Variants in MPP7 observed in about 807,000 individuals in gnomAD.
The protein encoded by MPP7 is MAGUK p55 subfamily member 7.
In MPP7, 60 loss-of-function variants were observed where a neutral mutation model predicts 76.5. The observed-to-expected ratio is 0.78, with a 90% confidence interval of 0.64 to 0.97. The LOEUF (loss-of-function observed/expected upper bound fraction) is 0.97. Ranked by LOEUF, MPP7 falls within the 50% of genes least tolerant of loss-of-function variation. The pLI, the probability that MPP7 is intolerant of heterozygous loss-of-function variation, is 0.00. For missense variants in MPP7, 641 were observed against 694.0 expected, an observed-to-expected ratio of 0.92 and a Z score of 0.86; for synonymous variants, 237 against 244.5, an observed-to-expected ratio of 0.97 and a Z score of 0.29.
intron 4 of MPP7, among the ~76,000 whole-genome samples, chr10:28,149,676 C>T (rs1441323672): frequency 6.6e-6 from 1 of 151,974 alleles, no homozygotes; most frequent in African/African-American, 2.4e-5. Flanking sequence ...TTGTCTGTGA[C>T]TTTCTCAGAA....
At chr10:28,294,358 G>A (rs778553765) in intron 1 of MPP7, among the ~76,000 whole-genome samples, 1 of 152,150 alleles carries the variant, frequency 6.6e-6, no homozygotes, top group Non-Finnish European at 1.5e-5. Flanking sequence ...TAGTACAGGC[G>A]ACAGTGTGTT....
intron 1 of MPP7, among the ~76,000 whole-genome samples, chr10:28,295,294 CTTCT>C (rs1351414655): frequency 2.0e-5 from 3 of 152,136 alleles, no homozygotes; most frequent in Non-Finnish European, 4.4e-5. Flanking sequence ...CACTGCTCAA[CTTCT>C]TTCTCCCAAA....
At chr10:28,209,063 T>C (rs1351599563) in intron 2 of MPP7, among the ~76,000 whole-genome samples, 3 of 152,124 alleles carry the variant, frequency 2.0e-5, no homozygotes, top group Non-Finnish European at 4.4e-5. Context: ...CCCATTCACC[T>C]TCCACCACTA....
chr10:28,270,538 G>C (rs868150349), intron 1 of MPP7, among the ~76,000 whole-genome samples: 1 of 128,914 alleles, frequency 7.8e-6, no homozygotes, highest in East Asian at 2.6e-4. Context: ...AAAAAGGGGG[G>C]GGGGGAGGAG....
At chr10:28,105,259 C>T (rs773563944) in intron 11 of MPP7, among the ~76,000 whole-genome samples, 4 of 146,550 alleles carry the variant, frequency 2.7e-5, no homozygotes, top group African/African-American at 7.6e-5. Flanking sequence ...TGCACAACAT[C>T]AGCCCTTGAA....
intron 1 of MPP7, chr10:28,282,024 A>G (rs1247398926): frequency 6.6e-6 from 1 of 152,098 alleles, no homozygotes; most frequent in African/African-American, 2.4e-5. Flanking sequence ...CTTTCTCTTC[A>G]CAATGAGGCT....
intron 2 of MPP7, among the ~76,000 whole-genome samples, chr10:28,312,067 C>T (rs1841292895): frequency 1.3e-5 from 2 of 152,108 alleles, no homozygotes; most frequent in Non-Finnish European, 2.9e-5. Flanking sequence ...TTAAAGATGG[C>T]ACGGACACAA....
At chr10:28,179,897 G>C (rs1177830482) in intron 3 of MPP7, among the ~76,000 whole-genome samples, 1 of 152,054 alleles carries the variant, frequency 6.6e-6, no homozygotes, top group Non-Finnish European at 1.5e-5. Context: ...CAAATAAAAT[G>C]TATTTTTAAA....
chr10:28,318,875 A>G (rs987716024), intron 2 of MPP7, among the ~76,000 whole-genome samples: 4 of 152,240 alleles, frequency 2.6e-5, no homozygotes, highest in Non-Finnish European at 4.4e-5. Flanking sequence ...AGTTACATGC[A>G]AGAAGCAGTT....
At chr10:28,158,544 T>A (rs1165487252) in intron 3 of MPP7, among the ~76,000 whole-genome samples, 4 of 152,150 alleles carry the variant, frequency 2.6e-5, no homozygotes, top group African/African-American at 9.7e-5. Flanking sequence ...CTAGCTCCTA[T>A]GCAGGCAGCA....
intron 1 of MPP7, among the ~76,000 whole-genome samples, chr10:28,273,155 T>C (rs1404817355): frequency 6.6e-6 from 1 of 152,200 alleles, no homozygotes; most frequent in African/African-American, 2.4e-5. Flanking sequence ...TAACCTCAAG[T>C]GATCCACCCA....
intron 3 of MPP7, among the ~76,000 whole-genome samples, chr10:28,162,388 C>T (rs561110187): frequency 6.6e-6 from 1 of 151,972 alleles, no homozygotes; most frequent in Non-Finnish European, 1.5e-5. Context: ...AAAAATGCCA[C>T]CCACAGGTCA....
intron 2 of MPP7, among the ~76,000 whole-genome samples, chr10:28,208,220 T>C (rs774088112): frequency 2.6e-5 from 4 of 152,074 alleles, no homozygotes; most frequent in African/African-American, 4.8e-5. Context: ...TCCATTATCA[T>C]TGAGCAGGCA....
At chr10:28,266,673 TA>T (rs1840159817) in intron 1 of MPP7, among the ~76,000 whole-genome samples, 1 of 152,238 alleles carries the variant, frequency 6.6e-6, no homozygotes, top group Non-Finnish European at 1.5e-5. Flanking sequence ...TTCATTTTTG[TA>T]ATCACTTTCT....
intron 16 of MPP7, among the ~76,000 whole-genome samples, chr10:28,054,987 C>T (rs1486839370): frequency 5.3e-5 from 8 of 152,104 alleles, no homozygotes; most frequent in African/African-American, 1.4e-4. Context: ...CTGATTACCA[C>T]GTTCCTTCGA....
chr10:28,174,354 C>T (rs1309945417), intron 3 of MPP7, among the ~76,000 whole-genome samples: 3 of 152,172 alleles, frequency 2.0e-5, no homozygotes. Context: ...TGGTGCCATT[C>T]TCTAGAGAGT....
chr10:28,139,771 C>T (rs1006609577), intron 5 of MPP7, among the ~76,000 whole-genome samples: 1 of 152,162 alleles, frequency 6.6e-6, no homozygotes. Flanking sequence ...ATTTCAGGAA[C>T]AGTCACATTG....
chr10:28,263,656 T>C (rs1474565630), intron 1 of MPP7, among the ~76,000 whole-genome samples: 1 of 152,092 alleles, frequency 6.6e-6, no homozygotes, highest in Admixed American at 6.6e-5. Flanking sequence ...ATCTTGGAGC[T>C]GGCCCACGAT....
At chr10:28,286,292 G>C (rs1840788882) in intron 1 of MPP7, among the ~76,000 whole-genome samples, 1 of 151,870 alleles carries the variant, frequency 6.6e-6, no homozygotes, top group African/African-American at 2.4e-5. Flanking sequence ...CTTGCAGTGA[G>C]CCGAGATCAC....
Sources: allele counts gnomAD v4.1 joint callset (sites outside exome capture counted in the v4.1 genomes callset), GRCh38; gene constraint gnomAD v4.1.1; transcripts MANE v1.5; gene names NCBI Gene and HGNC (gene_info 2026-07-23, HGNC 2026-07-21).